Variants in PKN2 observed in about 807,000 individuals in gnomAD.
PKN2 encodes the protein serine/threonine-protein kinase N2.
A neutral mutation model predicts 119.1 loss-of-function variants in PKN2; 38 were observed. That is an observed-to-expected ratio of 0.32 (90% CI 0.25 to 0.42). The LOEUF (loss-of-function observed/expected upper bound fraction) is 0.42, where lower values mean the gene tolerates loss of function less well. Ranked by LOEUF, PKN2 falls within the 10% of genes least tolerant of loss-of-function variation. The pLI is 1.00. For missense variants in PKN2, 850 were observed against 1,165.1 expected, an observed-to-expected ratio of 0.73 and a Z score of 3.94; for synonymous variants, 390 against 384.9, an observed-to-expected ratio of 1.01 and a Z score of -0.15.
chr1:88,831,336 A>C (rs1343786550), intron 19 of PKN2, among the ~76,000 whole-genome samples: 1 of 151,498 alleles, frequency 6.6e-6, no homozygotes, highest in Non-Finnish European at 1.5e-5. Context: ...AAAATTGTTC[A>C]AGCAGAAGAC....
At chr1:88,760,664 G>A (rs1045932990) in intron 3 of PKN2, among the ~76,000 whole-genome samples, 5 of 151,828 alleles carry the variant, frequency 3.3e-5, no homozygotes, top group African/African-American at 9.7e-5. Flanking sequence ...TCACATTTTT[G>A]TGCTTTTAAT....
chr1:88,759,269 A>C (rs113392239), intron 2 of PKN2, among the ~76,000 whole-genome samples: 1 of 152,182 alleles, frequency 6.6e-6, no homozygotes, highest in Non-Finnish European at 1.5e-5. Context: ...AGGCTGAGGC[A>C]GGAGAATCGC....
chr1:88,721,492 G>A (rs1207289098), intron 1 of PKN2, among the ~76,000 whole-genome samples: 1 of 152,042 alleles, frequency 6.6e-6, no homozygotes, highest in Non-Finnish European at 1.5e-5. Context: ...TATCTACTGG[G>A]AATTCCAGGG....
At chr1:88,702,171 G>A (rs1239699863) in intron 1 of PKN2, among the ~76,000 whole-genome samples, 1 of 152,036 alleles carries the variant, frequency 6.6e-6, no homozygotes, top group African/African-American at 2.4e-5. Flanking sequence ...GTTGTCCAAG[G>A]TGGTCTCGAA....
chr1:88,773,321 C>G (rs1013206663), intron 6 of PKN2, among the ~76,000 whole-genome samples: 2 of 151,956 alleles, frequency 1.3e-5, no homozygotes, highest in Non-Finnish European at 1.5e-5. Context: ...CTCAGCCTCC[C>G]GAGTAGCTGG....
At chr1:88,822,565 T>C (rs1672336435) in intron 17 of PKN2, among the ~76,000 whole-genome samples, 1 of 151,656 alleles carries the variant, frequency 6.6e-6, no homozygotes, top group Admixed American at 6.6e-5. Context: ...ACTATAAACA[T>C]TGGATTATTT....
intron 1 of PKN2, among the ~76,000 whole-genome samples, chr1:88,714,143 C>G (rs1205815194): frequency 1.3e-5 from 2 of 152,054 alleles, no homozygotes; most frequent in Non-Finnish European, 2.9e-5. Flanking sequence ...TTGTCTATAT[C>G]TCTGTTTTGG....
chr1:88,782,764 T>C lies in PKN2; in HGVS notation c.986-1875T>C, dbSNP rs138505365. On this transcript the variant is annotated intron_variant, in intron 6 of 21. Coordinates refer to ENST00000370521, the MANE Select transcript of PKN2 (RefSeq NM_006256.4). ...CCTTGCCTTCTAACCCTAACATTTA[T>C]GTCAGTTAAGCCACTAAGCTTGTAA... Among the ~76,000 whole-genome samples, 274 of 152,346 alleles carry C rather than the reference T, an allele frequency of 1.8e-3. 1 individual carries two copies. The highest frequency in any genetic ancestry group is 0.013 in the East Asian group (67 of 5,188).
intron 19 of PKN2, chr1:88,829,117 A>G (rs1672627118): frequency 2.7e-6 from 2 of 730,508 alleles, no homozygotes; most frequent in Non-Finnish European, 5.2e-6. Context: ...TGGAGAGAGG[A>G]GAAAACCTAT....
At chr1:88,748,911 C>T (rs1265806454) in intron 2 of PKN2, among the ~76,000 whole-genome samples, 1 of 151,996 alleles carries the variant, frequency 6.6e-6, no homozygotes, top group African/African-American at 2.4e-5. Flanking sequence ...GCCTGGGCAG[C>T]AGAGCAAGAC....
chr1:88,810,448 G>A (rs1462614416), intron 15 of PKN2, among the ~76,000 whole-genome samples: 2 of 151,696 alleles, frequency 1.3e-5, no homozygotes, highest in East Asian at 3.9e-4. Flanking sequence ...TAAAAGTAAT[G>A]TATTTCATTA....
At chr1:88,786,305 T>A in intron 8 of PKN2, 92 bp downstream of exon 8, 1 of 596,178 alleles carries the variant, frequency 1.7e-6, no homozygotes, top group Non-Finnish European at 2.9e-6. Context: ...GTTGTATTCT[T>A]AACAAGAATA....
At chr1:88,724,663 C>G (rs113971672) in intron 1 of PKN2, among the ~76,000 whole-genome samples, 1 of 151,222 alleles carries the variant, frequency 6.6e-6, no homozygotes, top group African/African-American at 2.4e-5. Flanking sequence ...CCTCTGCCTC[C>G]CAGGTTCAAG....
intron 1 of PKN2, among the ~76,000 whole-genome samples, chr1:88,727,889 A>G (rs1667961838): frequency 6.6e-6 from 1 of 152,146 alleles, no homozygotes; most frequent in Non-Finnish European, 1.5e-5. Context: ...AGCACCCTCT[A>G]ACAGCAAGGT....
intron 3 of PKN2, among the ~76,000 whole-genome samples, chr1:88,760,943 G>T (rs900982357): frequency 1.3e-5 from 2 of 152,088 alleles, no homozygotes; most frequent in African/African-American, 4.8e-5. Context: ...TTATCTAAAA[G>T]AATTTAGTCT....
Position 88,807,700 on chromosome 1 carries a change from A to G in PKN2, c.2027A>G (p.Tyr676Cys), listed in dbSNP as rs1161901805. Residue 676 changes from tyrosine (Y) to cysteine (C), a missense_variant, in exon 15 of 22, where the codon TAT (tyrosine) becomes TGT (cysteine). Physicochemically the swap from Tyr to Cys is radical, Grantham distance 194 (BLOSUM62 -2). This residue lies in a region of PKN2 where 216 missense variants were observed against 252.8 expected (regional missense o/e 0.85). Transcript: ENST00000370521. Reference protein sequence around the residue: ...GHFGKVLLAEYKNTNEMFAIK... With the variant: ...GHFGKVLLAECKNTNEMFAIK... The stretch of plus-strand genomic sequence containing the variant: ...TTATTTCAGGTGCTTTTAGCTGAAT[A>G]TAAAAACACAAATGAGATGTTTGCT... 4.4e-6 allele frequency: 7 copies of G among 1,598,020 alleles called. No individual in the cohort carries two copies. In the East Asian group the frequency reaches 1.1e-4, roughly 26 times the overall value.
At chr1:88,697,167 GTTA>G (rs1186295042) in intron 1 of PKN2, among the ~76,000 whole-genome samples, 6 of 152,070 alleles carry the variant, frequency 3.9e-5, no homozygotes, top group Non-Finnish European at 8.8e-5. Context: ...TACAGCTCCT[GTTA>G]TTGAATAATA....
At chr1:88,787,574 G>A (rs529757005) in intron 8 of PKN2, among the ~76,000 whole-genome samples, 21 of 152,220 alleles carry the variant, frequency 1.4e-4, no homozygotes, top group African/African-American at 4.8e-4. Flanking sequence ...GTAGCACAGA[G>A]GAGGAAACAG....
At chr1:88,809,001 G>A (rs947790021) in intron 15 of PKN2, among the ~76,000 whole-genome samples, 1 of 152,136 alleles carries the variant, frequency 6.6e-6, no homozygotes, top group Non-Finnish European at 1.5e-5. Flanking sequence ...TTGCTATGTA[G>A]ATATGCCAAA....
Sources: gnomAD v4.1 joint callset for allele counts (sites outside exome capture counted in the v4.1 genomes callset) on GRCh38, gnomAD v4.1.1 for gene constraint, gnomAD v4.1.1 regional missense constraint, MANE v1.5 for transcripts, NCBI Gene and HGNC (gene_info 2026-07-23, HGNC 2026-07-21) for gene names.